Variants in TTC8 observed in about 807,000 individuals in gnomAD.
TTC8 encodes tetratricopeptide repeat domain 8.
TTC8 carries 47 observed loss-of-function variants against 72.5 expected under a neutral mutation model. The ratio of observed to expected loss-of-function variants is 0.65; its 90% confidence interval spans 0.51 to 0.83. TTC8 has a LOEUF of 0.83. Among genes scored for constraint, TTC8 ranks in the 40% least tolerant of loss-of-function variants. TTC8 has a pLI of 0.00. For missense variants in TTC8, 611 were observed against 623.2 expected (o/e 0.98, Z 0.21); for synonymous variants, 199 against 221.4 (o/e 0.90, Z 0.90).
chr14:88,831,249 GACA>G (rs1190457955), intron 1 of TTC8, among the ~76,000 whole-genome samples: 2 of 152,262 alleles, frequency 1.3e-5, no homozygotes, highest in East Asian at 3.9e-4. Context: ...CTCTTTCCAT[GACA>G]ACAACCTATA....
In TTC8 at chr14:88,877,416, C is replaced by A. The variant is rs1296187667; in HGVS notation, c.*6C>A. ...AGCATTTTGCTATGCTCTGATTGTTCCTTAGACCACATATGTTCTTATGAA... is the reference window on the plus strand; with the variant it reads ...AGCATTTTGCTATGCTCTGATTGTTACTTAGACCACATATGTTCTTATGAA... On this transcript the variant is annotated 3_prime_UTR_variant, in exon 15 of 15. Transcript: ENST00000380656. 1 of 1,601,546 alleles carries A rather than the reference C, an allele frequency of 6.2e-7. No homozygotes were observed. The highest frequency in any genetic ancestry group is 1.3e-5 in the African/African-American group (1 of 74,642).
intron 7 of TTC8, among the ~76,000 whole-genome samples, chr14:88,844,679 G>C (rs186588083): frequency 8.6e-5 from 13 of 151,862 alleles, no homozygotes; most frequent in Admixed American, 7.2e-4. Flanking sequence ...CAAGTAGCTG[G>C]GACTATAGGC....
rs1255822144 is a variant in TTC8 at position 88,871,649 on chromosome 14, G to T, written c.1150G>T (p.Glu384Ter). 6.2e-7 allele frequency: 1 copy of T among 1,614,096 alleles called. No individual in the cohort carries two copies. Among genetic ancestry groups the T allele is most frequent in the Non-Finnish European group, 8.5e-7 (1 of 1,180,008 alleles). ...GTATGATATGACTCTGACCTCATTT[G>T]AACGTGCCCTTTCTTTGGCTGAAAA... ...QQYDMTLTSF[E>*]RALSLAENEE... The change falls in exon 12 of 15, where the codon GAA (glutamate) becomes TAA (stop). Residue 384 changes from glutamate to a stop codon, truncating the protein, a stop_gained. Transcript: ENST00000380656. LOFTEE classifies it high-confidence loss of function. The surrounding 1 kb of genome is among the most constrained non-coding windows in gnomAD (Gnocchi z 4.1).
At chr14:88,869,438 G>A (rs77860375) in intron 10 of TTC8, among the ~76,000 whole-genome samples, 396 of 151,980 alleles carry the variant, frequency 2.6e-3, no homozygotes, top group Non-Finnish European at 4.7e-3. Flanking sequence ...CAGCAGTCAA[G>A]TTATTCTTTC....
At chr14:88,832,503 A>T (rs1296954465) in intron 1 of TTC8, among the ~76,000 whole-genome samples, 1 of 151,848 alleles carries the variant, frequency 6.6e-6, no homozygotes, top group Admixed American at 6.6e-5. Flanking sequence ...TCCAAGAGGC[A>T]CTGGCAAGAA....
At chr14:88,857,118 A>C (rs967253212) in intron 8 of TTC8, 72 bp from the exon 9 acceptor site, 8 of 1,314,804 alleles carry the variant, frequency 6.1e-6, no homozygotes, top group Non-Finnish European at 8.8e-6. Context: ...ATTTGTCTCT[A>C]TTCATCCTCA....
Position 88,872,313 on chromosome 14 carries a change from T to C in TTC8, c.1225-17T>C, listed in dbSNP as rs1166913453. ...GTAAACGGACCCATGGGTGTGAACA[T>C]AGGCTTTCTTTTGTAGGGAATAGGA... On this transcript the variant is annotated splice_polypyrimidine_tract_variant and intron_variant, in intron 12 of 14. Transcript: ENST00000380656. The C allele has an allele frequency of 3.7e-6, 6 of 1,613,082 alleles. No homozygotes were observed. The highest frequency in any genetic ancestry group is 3.3e-5 in the Admixed American group (2 of 59,960).
chr14:88,840,785 A>G, intron 3 of TTC8, 80 bp from the exon 4 acceptor site: 2 of 1,434,854 alleles, frequency 1.4e-6, no homozygotes, highest in Non-Finnish European at 1.9e-6. Flanking sequence ...GGCCAGCGCA[A>G]TTCTGAAAAT....
chr14:88,868,724 A>G (rs1269612167), intron 10 of TTC8, among the ~76,000 whole-genome samples: 2 of 152,222 alleles, frequency 1.3e-5, no homozygotes, highest in Admixed American at 6.5e-5. Context: ...TCTTGGGAGC[A>G]TGGTGAACCT....
Position 88,839,442 on chromosome 14 carries a change from T to C in TTC8, c.145-10T>C, listed in dbSNP as rs754997963. 6 of 1,612,652 alleles carry C rather than the reference T, an allele frequency of 3.7e-6. No homozygotes were observed. The highest frequency in any genetic ancestry group is 2.2e-5 in the East Asian group (1 of 44,688). On this transcript the variant is annotated splice_polypyrimidine_tract_variant and intron_variant, in intron 2 of 14. Coordinates refer to ENST00000380656, the MANE Select transcript of TTC8 (RefSeq NM_144596.4). ...TTTTAATATATGTTTTATTTATCCATGGGTTTTAGGCAGCTTGGATCTTAA... is the reference window on the plus strand; with the variant it reads ...TTTTAATATATGTTTTATTTATCCACGGGTTTTAGGCAGCTTGGATCTTAA...
chr14:88,875,014 T>A lies in TTC8; in HGVS notation c.1348-12T>A. ...CGCCTTTGGTTTTTCTTTTCTTTATTTTTATACACAGGCAAGGGCACTATT... is the reference window on the plus strand; with the variant it reads ...CGCCTTTGGTTTTTCTTTTCTTTATATTTATACACAGGCAAGGGCACTATT... On this transcript the variant is annotated splice_polypyrimidine_tract_variant and intron_variant, in intron 13 of 14. Transcript: ENST00000380656. The A allele has an allele frequency of 6.2e-7, 1 of 1,607,970 alleles. No individual in the cohort carries two copies. The highest frequency in any genetic ancestry group is 2.2e-5 in the East Asian group (1 of 44,706).
chr14:88,872,196 A>G, intron 12 of TTC8, 134 bp from the exon 13 acceptor site: 1 of 1,313,918 alleles, frequency 7.6e-7, no homozygotes, highest in Non-Finnish European at 1.1e-6. Flanking sequence ...CCACTTACGT[A>G]GAATTCACAT....
rs1395468946 is a variant in TTC8, at chr14:88,833,826, T to A, written c.144+104T>A. 3 of 1,005,596 alleles carry A rather than the reference T, an allele frequency of 3.0e-6. No individual in the cohort carries two copies. The African/African-American group carries it at 4.8e-5, about 16-fold the overall frequency. 62.3% of individuals were successfully genotyped at this position (1,005,596 alleles called of 1,614,324 possible). On this transcript the variant is annotated intron_variant, in intron 2 of 14. Coordinates refer to ENST00000380656, the MANE Select transcript of TTC8 (RefSeq NM_144596.4). ...AATTTGCTGCATATCTTCCTGTGGG[T>A]TTATAAAATTAGCCATATCTGTCAG...
chr14:88,854,707 A>G (rs1399433239), intron 8 of TTC8, among the ~76,000 whole-genome samples: 1 of 152,116 alleles, frequency 6.6e-6, no homozygotes, highest in African/African-American at 2.4e-5. Context: ...TTTTTTAGAG[A>G]TGGGATCTTG....
intron 7 of TTC8, among the ~76,000 whole-genome samples, chr14:88,848,974 T>G (rs2094821172): frequency 1.3e-5 from 2 of 152,204 alleles, no homozygotes; most frequent in Admixed American, 1.3e-4. Flanking sequence ...ATTTGTACTC[T>G]GCTTGTTATT....
intron 1 of TTC8, among the ~76,000 whole-genome samples, chr14:88,829,656 G>T (rs965503916): frequency 3.3e-5 from 5 of 152,164 alleles, no homozygotes; most frequent in Admixed American, 3.3e-4. Context: ...ATGGGAGAAA[G>T]ACTTTTTTCT....
intron 6 of TTC8, among the ~76,000 whole-genome samples, chr14:88,842,789 G>A (rs1485543221): frequency 6.6e-6 from 1 of 152,152 alleles, no homozygotes; most frequent in Non-Finnish European, 1.5e-5. Context: ...TGACCCAAAA[G>A]GAGTCATTTT....
At chr14:88,872,223 A>G in intron 12 of TTC8, 107 bp from the exon 13 acceptor site, 1 of 1,467,488 alleles carries the variant, frequency 6.8e-7, no homozygotes. Flanking sequence ...CTATAATTGT[A>G]TGGTACTTGA....
chr14:88,830,404 A>G (rs1595927246), intron 1 of TTC8, among the ~76,000 whole-genome samples: 1 of 152,310 alleles, frequency 6.6e-6, no homozygotes, highest in East Asian at 1.9e-4. Flanking sequence ...ACTGGGAGTC[A>G]GTTCTGAGTT....
Sources: gnomAD v4.1 joint callset for allele counts (sites outside exome capture counted in the v4.1 genomes callset) on GRCh38, gnomAD v4.1.1 for gene constraint, Gnocchi (gnomAD v3.1) non-coding constraint, MANE v1.5 for transcripts, NCBI Gene and HGNC (gene_info 2026-07-23, HGNC 2026-07-21) for gene names.